TXNDC16: variants seen among roughly 807,000 people sequenced by gnomAD.
TXNDC16 encodes the protein thioredoxin domain containing 16, also known as thioredoxin domain-containing protein 16.
Under a neutral mutation model 85.6 loss-of-function variants are expected in TXNDC16, and 74 were observed. The ratio of observed to expected loss-of-function variants is 0.86; its 90% CI spans 0.72 to 1.05. TXNDC16 has a LOEUF of 1.05. Ranked by LOEUF, TXNDC16 falls within the 50% of genes least tolerant of loss-of-function variation. The pLI is 0.00. For synonymous variants in TXNDC16, 335 were observed against 326.5 expected, an observed-to-expected ratio of 1.03 and a Z score of -0.28; for missense variants, 959 against 947.0, an observed-to-expected ratio of 1.01 and a Z score of -0.17.
At position 52,431,630 on chromosome 14, in the gene TXNDC16, G is replaced by C. The variant is rs960405600; in HGVS notation, c.*674C>G. 4 of 152,122 alleles carry C rather than the reference G, an allele frequency of 2.6e-5. No homozygotes were observed. The highest frequency in any genetic ancestry group is 9.7e-5 in the African/African-American group (4 of 41,412). 9.4% of individuals were successfully genotyped at this position (152,122 alleles called of 1,614,324 possible). On this transcript the variant is annotated 3_prime_UTR_variant, in exon 21 of 21. Transcript: ENST00000281741. Reference sequence around the variant, plus strand: ...TCGGGCAGGATAATTCTTTGTTGTGGGGCGCTGTCCAATGCAGGTTATTTA... The same window carrying C: ...TCGGGCAGGATAATTCTTTGTTGTGCGGCGCTGTCCAATGCAGGTTATTTA...
chr14:52,443,842 G>C (rs900241987), intron 18 of TXNDC16, among the ~76,000 whole-genome samples: 2 of 152,152 alleles, frequency 1.3e-5, no homozygotes, highest in African/African-American at 2.4e-5. Flanking sequence ...CCTATGTCTA[G>C]TCAAAAGAGA....
At chr14:52,545,324 T>C (rs968131123) in intron 1 of TXNDC16, among the ~76,000 whole-genome samples, 1 of 152,134 alleles carries the variant, frequency 6.6e-6, no homozygotes, top group African/African-American at 2.4e-5. Context: ...CCAAACAAGA[T>C]TATATATGTG....
At chr14:52,529,589 C>A (rs1295358796) in intron 6 of TXNDC16, among the ~76,000 whole-genome samples, 2 of 87,612 alleles carry the variant, frequency 2.3e-5, no homozygotes, top group African/African-American at 5.4e-5. Flanking sequence ...TATATAATGC[C>A]TATTATATAT....
chr14:52,549,366 T>C (rs959784426), intron 1 of TXNDC16, among the ~76,000 whole-genome samples: 17 of 152,070 alleles, frequency 1.1e-4, no homozygotes, highest in Non-Finnish European at 5.9e-5. Context: ...CGTGAGACAA[T>C]AGTAGAAAAA....
rs565695451 is a variant in TXNDC16 at position 52,488,506 on chromosome 14, T to TA, written c.985-21dup. 1.3e-4 allele frequency: 203 copies of TA among 1,563,792 alleles called. No individual in the cohort carries two copies. The African/African-American group carries it at 2.6e-3, about 20-fold the overall frequency. ...AACTCCCTAGAAATACATTAATTTT[T>TA]AAAAAATGAATATAGCAAAGTATTT... On this transcript the variant is annotated intron_variant, in intron 11 of 20. Coordinates refer to ENST00000281741, the MANE Select transcript of TXNDC16 (RefSeq NM_020784.3).
intron 18 of TXNDC16, among the ~76,000 whole-genome samples, chr14:52,452,184 C>G (rs926632277): frequency 1.3e-5 from 2 of 152,062 alleles, no homozygotes; most frequent in East Asian, 3.8e-4. Flanking sequence ...CTGAACTGAA[C>G]ACACAAAAAT....
At chr14:52,473,838 T>C (rs72684234) in intron 14 of TXNDC16, among the ~76,000 whole-genome samples, 3,909 of 152,284 alleles carry the variant, frequency 0.026, 75 homozygotes, top group Non-Finnish European at 0.043. Flanking sequence ...ACAAATGGCT[T>C]TTTCCCACAA....
intron 8 of TXNDC16, among the ~76,000 whole-genome samples, chr14:52,513,034 G>A (rs1268490331): frequency 2.0e-5 from 3 of 152,108 alleles, no homozygotes; most frequent in African/African-American, 7.2e-5. Flanking sequence ...AATGGATTGT[G>A]ACATGTATGG....
chr14:52,532,625 A>G (rs973410328), intron 6 of TXNDC16, among the ~76,000 whole-genome samples: 11 of 152,008 alleles, frequency 7.2e-5, no homozygotes, highest in Non-Finnish European at 1.3e-4. Context: ...TTTAGTAGAG[A>G]CAGGGTTTCA....
chr14:52,451,057 T>C (rs2035399350), intron 18 of TXNDC16, among the ~76,000 whole-genome samples: 1 of 151,796 alleles, frequency 6.6e-6, no homozygotes. Context: ...TTTCTAAGTG[T>C]AAGCTAAGCT....
chr14:52,537,324 T>C (rs1029242907), intron 5 of TXNDC16, among the ~76,000 whole-genome samples: 27 of 152,144 alleles, frequency 1.8e-4, no homozygotes, highest in African/African-American at 6.5e-4. Context: ...GAACATTAAA[T>C]TTGGTAAGCA....
At chr14:52,483,024 C>T in intron 12 of TXNDC16, 59 bp from the exon 13 acceptor site, 1 of 1,388,194 alleles carries the variant, frequency 7.2e-7, no homozygotes, top group Non-Finnish European at 9.8e-7. Context: ...ACTATTTAAG[C>T]TCTTCTCATA....
At chr14:52,537,751 TA>T in intron 4 of TXNDC16, 79 bp from the exon 5 acceptor site, 6 of 811,516 alleles carry the variant, frequency 7.4e-6, no homozygotes, top group Non-Finnish European at 1.2e-5. Context: ...GAAGGAGAAT[TA>T]AATATTACAG....
intron 4 of TXNDC16, among the ~76,000 whole-genome samples, chr14:52,539,314 T>C (rs1253318329): frequency 6.6e-6 from 1 of 152,066 alleles, no homozygotes; most frequent in Non-Finnish European, 1.5e-5. Context: ...CAAATAAGTA[T>C]AAGAGATGAG....
intron 6 of TXNDC16, among the ~76,000 whole-genome samples, chr14:52,523,217 G>A (rs1290847541): frequency 4.6e-5 from 7 of 152,134 alleles, no homozygotes; most frequent in Admixed American, 4.6e-4. Flanking sequence ...ACAGCCTGGG[G>A]CTGCTCTAAC....
intron 1 of TXNDC16, among the ~76,000 whole-genome samples, chr14:52,547,370 A>G (rs1358165336): frequency 6.6e-6 from 1 of 152,258 alleles, no homozygotes; most frequent in Non-Finnish European, 1.5e-5. Context: ...TAATGACATA[A>G]ATACAGAAAT....
At chr14:52,501,318 T>C (rs1269946494) in intron 9 of TXNDC16, among the ~76,000 whole-genome samples, 1 of 152,200 alleles carries the variant, frequency 6.6e-6, no homozygotes, top group Non-Finnish European at 1.5e-5. Flanking sequence ...TATTTTCATA[T>C]GCTTAGAAGT....
At chr14:52,518,108 T>TA (rs1205888458) in intron 7 of TXNDC16, among the ~76,000 whole-genome samples, 1 of 152,244 alleles carries the variant, frequency 6.6e-6, no homozygotes, top group African/African-American at 2.4e-5. Context: ...TGGGCACTTC[T>TA]ACCACATTCA....
chr14:52,454,515 T>A (rs922067413), intron 18 of TXNDC16, among the ~76,000 whole-genome samples: 13 of 151,078 alleles, frequency 8.6e-5, no homozygotes, highest in African/African-American at 3.2e-4. Flanking sequence ...AAACTTTTTT[T>A]AAACCAGGCT....
Sources: allele counts gnomAD v4.1 joint callset (sites outside exome capture counted in the v4.1 genomes callset), GRCh38; gene constraint gnomAD v4.1.1; transcripts MANE v1.5; gene names NCBI Gene and HGNC (gene_info 2026-07-23, HGNC 2026-07-21).